DNAI7: variants seen among roughly 807,000 people sequenced by gnomAD.
DNAI7 encodes dynein axonemal intermediate chain 7, also known as cancer susceptibility 1.
Under a neutral mutation model 86.6 loss-of-function variants are expected in DNAI7, and 78 were observed. The ratio of observed to expected loss-of-function variants is 0.90; its 90% CI spans 0.75 to 1.09. The LOEUF (loss-of-function observed/expected upper bound fraction) is 1.09, where lower values mean the gene tolerates loss of function less well. Among genes scored for constraint, DNAI7 ranks in the 50% least tolerant of loss-of-function variants. DNAI7 has a pLI of 0.00. For synonymous variants in DNAI7, 274 were observed against 273.0 expected, an observed-to-expected ratio of 1.00 and a Z score of -0.04; for missense variants, 753 against 810.2, an observed-to-expected ratio of 0.93 and a Z score of 0.86.
At position 25,191,894 on chromosome 12, in the gene DNAI7, C is replaced by T. The variant is rs567304609; in HGVS notation, c.4-1263G>A. ...TTAGGCTCATGTGTTTATCAGATTT[C>T]TGGTAAGGAATTTATAGGAGATCAT... On this transcript the variant is annotated intron_variant, in intron 1 of 15. Coordinates refer to ENST00000395987, the MANE Select transcript of DNAI7 (RefSeq NM_018272.5). 5.3e-5 allele frequency among the ~76,000 whole-genome samples: 8 copies of T among 152,230 alleles called. No individual in the cohort carries two copies. The East Asian group carries it at 1.3e-3, about 26-fold the overall frequency.
intron 9 of DNAI7, among the ~76,000 whole-genome samples, chr12:25,131,165 C>CAA (rs11368564): frequency 0.39 from 57,908 of 147,236 alleles, 13,127 homozygotes; most frequent in East Asian, 0.76. Flanking sequence ...TACCCCCAAC[C>CAA]AAAAAAAAAA....
chr12:25,113,414 G>A (rs1030208044), intron 13 of DNAI7, among the ~76,000 whole-genome samples: 4 of 151,946 alleles, frequency 2.6e-5, no homozygotes, highest in African/African-American at 7.3e-5. Flanking sequence ...CGATTCTTCC[G>A]CCTCGGCCTC....
chr12:25,156,090 C>G (rs12424485), intron 4 of DNAI7, among the ~76,000 whole-genome samples: 9,120 of 144,650 alleles, frequency 0.063, 588 homozygotes, highest in East Asian at 0.26. Flanking sequence ...GATGACAGGG[C>G]AAGACTCTAA....
chr12:25,119,439 T>G (rs1854882912), intron 11 of DNAI7, 138 bp from the exon 12 acceptor site: 1 of 509,830 alleles, frequency 2.0e-6, no homozygotes, highest in African/African-American at 2.0e-5. Flanking sequence ...TAACAAAATG[T>G]CACAACAAAA....
At chr12:25,135,420 T>C (rs901530763) in intron 9 of DNAI7, among the ~76,000 whole-genome samples, 1 of 152,164 alleles carries the variant, frequency 6.6e-6, no homozygotes, top group African/African-American at 2.4e-5. Context: ...AGAAGGAAAC[T>C]TCTAGCTGAA....
intron 4 of DNAI7, among the ~76,000 whole-genome samples, chr12:25,158,192 G>A (rs1458519595): frequency 6.6e-6 from 1 of 151,770 alleles, no homozygotes; most frequent in Non-Finnish European, 1.5e-5. Flanking sequence ...TCACACCACT[G>A]CACTCCAGCC....
intron 6 of DNAI7, among the ~76,000 whole-genome samples, chr12:25,152,155 T>C (rs945346998): frequency 2.0e-5 from 3 of 152,190 alleles, no homozygotes; most frequent in African/African-American, 7.2e-5. Flanking sequence ...TCTTGAGGGA[T>C]AGGAATGACA....
At chr12:25,114,496 T>C (rs1939661228) in intron 13 of DNAI7, among the ~76,000 whole-genome samples, 160 bp downstream of exon 13, 1 of 152,224 alleles carries the variant, frequency 6.6e-6, no homozygotes, top group Non-Finnish European at 1.5e-5. Flanking sequence ...TAATATTTCA[T>C]TTAGAAATAT....
At chr12:25,177,575 G>A (rs1949091331) in intron 2 of DNAI7, among the ~76,000 whole-genome samples, 1 of 152,116 alleles carries the variant, frequency 6.6e-6, no homozygotes, top group Non-Finnish European at 1.5e-5. Flanking sequence ...ACATTGGATT[G>A]TTTCTGGTTT....
intron 2 of DNAI7, among the ~76,000 whole-genome samples, chr12:25,187,406 T>C (rs1407087193): frequency 6.6e-6 from 1 of 152,220 alleles, no homozygotes; most frequent in African/African-American, 2.4e-5. Flanking sequence ...CATTTTTTCA[T>C]GACCTCTTAG....
chr12:25,144,779 C>T (rs7971062), intron 8 of DNAI7, 102 bp from the exon 9 acceptor site: 528,989 of 906,104 alleles, frequency 0.58, 162,614 homozygotes, highest in East Asian at 0.88. Context: ...TTTAATTTTG[C>T]TCCAATTTTG....
chr12:25,145,063 T>C (rs552605169), intron 8 of DNAI7, among the ~76,000 whole-genome samples: 93 of 152,324 alleles, frequency 6.1e-4, no homozygotes, highest in African/African-American at 2.1e-3. Flanking sequence ...ATCAGAGGTT[T>C]GTAATATGAG....
intron 10 of DNAI7, 21 bp from the exon 11 acceptor site, chr12:25,121,934 A>AGCT: frequency 6.6e-7 from 1 of 1,517,680 alleles, no homozygotes; most frequent in Non-Finnish European, 8.9e-7. Flanking sequence ...TCAGATTAAC[A>AGCT]GTTTTCAAAT....
chr12:25,130,405 C>T (rs1565673062), intron 9 of DNAI7, among the ~76,000 whole-genome samples: 2 of 151,812 alleles, frequency 1.3e-5, no homozygotes, highest in African/African-American at 2.4e-5. Flanking sequence ...GGCGCGGGGG[C>T]GGGTGCCTGT....
intron 2 of DNAI7, among the ~76,000 whole-genome samples, chr12:25,185,367 A>C (rs1038861300): frequency 6.6e-6 from 1 of 152,228 alleles, no homozygotes; most frequent in Non-Finnish European, 1.5e-5. Flanking sequence ...AATTAATGAA[A>C]TCAGAAAGAT....
chr12:25,118,086 A>G (rs1052660799), intron 12 of DNAI7, among the ~76,000 whole-genome samples: 1 of 151,740 alleles, frequency 6.6e-6, no homozygotes, highest in African/African-American at 2.4e-5. Context: ...GGCATGTGCC[A>G]CCATGCCCCA....
intron 2 of DNAI7, among the ~76,000 whole-genome samples, chr12:25,187,393 C>T (rs1008300669): frequency 6.6e-6 from 1 of 152,090 alleles, no homozygotes; most frequent in Non-Finnish European, 1.5e-5. Context: ...CAGCCCTACC[C>T]CACATTTTTT....
intron 9 of DNAI7, among the ~76,000 whole-genome samples, chr12:25,142,849 G>T (rs1257574658): frequency 6.6e-6 from 1 of 152,020 alleles, no homozygotes; most frequent in Non-Finnish European, 1.5e-5. Flanking sequence ...AAATGAGTTT[G>T]TCATGTCTAA....
At chr12:25,134,644 A>G (rs1943331549) in intron 9 of DNAI7, among the ~76,000 whole-genome samples, 1 of 152,140 alleles carries the variant, frequency 6.6e-6, no homozygotes, top group South Asian at 2.1e-4. Flanking sequence ...GTCATGAGCC[A>G]CTGCACCTGG....
Sources: allele counts gnomAD v4.1 joint callset (sites outside exome capture counted in the v4.1 genomes callset), GRCh38; gene constraint gnomAD v4.1.1; transcripts MANE v1.5; gene names NCBI Gene and HGNC (gene_info 2026-07-23, HGNC 2026-07-21).